The following GOLGA8B variants were observed in gnomAD, a reference collection of about 807,000 sequenced individuals.
The protein encoded by GOLGA8B is golgin subfamily A member 8B.
In GOLGA8B, 1 loss-of-function variant was observed where a neutral mutation model predicts 15.6. That is an observed-to-expected ratio of 0.06 (90% confidence interval 0.02 to 0.30). The LOEUF is 0.30. Ranked by LOEUF, GOLGA8B falls within the 10% of genes least tolerant of loss-of-function variation. GOLGA8B has a pLI of 1.00. For missense variants in GOLGA8B, 17 were observed against 201.3 expected (o/e 0.08, Z 5.54); for synonymous variants, 9 against 80.3 (o/e 0.11, Z 4.75).
In GOLGA8B at chr15:34,527,718, G is replaced by A. The variant is rs755562044; in HGVS notation, c.1726C>T (p.Gln576Ter). The A allele has an allele frequency of 1.5e-5, 19 of 1,239,592 alleles. 4 individuals carry two copies. The highest frequency in any genetic ancestry group is 2.1e-5 in the Non-Finnish European group (19 of 924,988). The allele number at this position is 1,239,592 out of a possible 1,614,324, so 76.8% of individuals were successfully genotyped here. A position where few individuals can be genotyped will look rare whatever the true frequency, so the allele number is the denominator to read the frequency against. Reference sequence around the variant, plus strand: ...AAGCCTGGGTGCTCCTGGTGGTCCTGCATCTCACCAAGGAGCTGCAGGACT... The same window carrying A: ...AAGCCTGGGTGCTCCTGGTGGTCCTACATCTCACCAAGGAGCTGCAGGACT... ...QPVLQLLGEM[Q>*]DHQEHPGLGS... Residue 576 changes from glutamine to a stop codon, truncating the protein, a stop_gained, in exon 24 of 24, where the codon CAG (glutamine) becomes TAG (stop). Coordinates refer to ENST00000683415, the MANE Select transcript of GOLGA8B (RefSeq NM_001023567.5). LOFTEE classifies it high-confidence loss of function.
chr15:34,582,874 G>A (rs1164918755), intron 1 of GOLGA8B: 1 of 152,216 alleles, frequency 6.6e-6, no homozygotes, highest in Non-Finnish European at 1.5e-5. Flanking sequence ...CTGGAGAAGG[G>A]GCCCTGCCCC....
At chr15:34,578,968 T>C (rs1200599884) in intron 1 of GOLGA8B, among the ~76,000 whole-genome samples, 1 of 152,104 alleles carries the variant, frequency 6.6e-6, no homozygotes, top group Non-Finnish European at 1.5e-5. Flanking sequence ...ACCTGACCCT[T>C]AAAACTCCCA....
intron 1 of GOLGA8B, among the ~76,000 whole-genome samples, chr15:34,557,644 A>ATGTGTGTGTGTGTGTGTGTG (rs780443805): frequency 9.2e-5 from 7 of 76,058 alleles, no homozygotes; most frequent in East Asian, 3.0e-4. Context: ...GAATTCATGA[A>ATGTGTGTGTGTGTGTGTGTG]TGTGTGTGTG....
At chr15:34,582,204 G>C (rs1023441735) in intron 1 of GOLGA8B, among the ~76,000 whole-genome samples, 1 of 152,126 alleles carries the variant, frequency 6.6e-6, no homozygotes, top group African/African-American at 2.4e-5. Context: ...CACACCTCTG[G>C]GAGGGGAGAA....
intron 4 of GOLGA8B, among the ~76,000 whole-genome samples, 169 bp from the exon 5 acceptor site, chr15:34,547,151 G>GT (rs777932523): frequency 2.6e-3 from 85 of 32,894 alleles, no homozygotes; most frequent in South Asian, 9.9e-3. Context: ...TTTTATGTCT[G>GT]TTTTTTTCAT....
At chr15:34,547,070 C>G (rs1446696605) in intron 4 of GOLGA8B, 88 bp from the exon 5 acceptor site, 1 of 84,354 alleles carries the variant, frequency 1.2e-5, no homozygotes, top group Non-Finnish European at 2.1e-5. Flanking sequence ...CAAAAATATA[C>G]ACACAAAAAG....
chr15:34,578,827 AT>A (rs1889152870), intron 1 of GOLGA8B, among the ~76,000 whole-genome samples: 2 of 151,920 alleles, frequency 1.3e-5, no homozygotes, highest in African/African-American at 4.8e-5. Context: ...TCAACCACAT[AT>A]TTTTTTCTCT....
At chr15:34,574,887 C>G (rs1336028173) in intron 1 of GOLGA8B, 1 of 152,092 alleles carries the variant, frequency 6.6e-6, no homozygotes, top group East Asian at 1.9e-4. Flanking sequence ...TGCCCAGCAG[C>G]CCCCAGAGGA....
chr15:34,567,528 G>A (rs1254346239), intron 1 of GOLGA8B, among the ~76,000 whole-genome samples: 5 of 151,706 alleles, frequency 3.3e-5, no homozygotes, highest in Non-Finnish European at 7.3e-5. Context: ...AGAGTCACAT[G>A]AAGGTACCTA....
chr15:34,582,952 G>T (rs1374216269), intron 1 of GOLGA8B: 2 of 152,256 alleles, frequency 1.3e-5, no homozygotes, highest in Non-Finnish European at 2.9e-5. Context: ...GCAGCCCCGG[G>T]GCAACAAGGT....
chr15:34,579,723 C>T (rs376452451), intron 1 of GOLGA8B, among the ~76,000 whole-genome samples: 13 of 152,064 alleles, frequency 8.5e-5, no homozygotes, highest in Non-Finnish European at 1.5e-4. Context: ...CTCTGGGACT[C>T]GGGAAAAGGA....
chr15:34,579,583 C>T (rs1889174759), intron 1 of GOLGA8B, among the ~76,000 whole-genome samples: 2 of 152,216 alleles, frequency 1.3e-5, no homozygotes, highest in Non-Finnish European at 1.5e-5. Context: ...TTCCCAAACA[C>T]GTTCTCCTCT....
intron 1 of GOLGA8B, among the ~76,000 whole-genome samples, chr15:34,563,449 C>T (rs1355339228): frequency 2.0e-5 from 3 of 148,554 alleles, no homozygotes; most frequent in African/African-American, 7.4e-5. Context: ...TCCTTGTTAT[C>T]GGTATCCCCC....
At chr15:34,571,205 T>G (rs1888904876) in intron 1 of GOLGA8B, among the ~76,000 whole-genome samples, 1 of 151,910 alleles carries the variant, frequency 6.6e-6, no homozygotes, top group Admixed American at 6.6e-5. Flanking sequence ...CCCTACTACT[T>G]GGGAGGCTGA....
intron 1 of GOLGA8B, among the ~76,000 whole-genome samples, chr15:34,573,094 A>G (rs1189768283): frequency 1.3e-5 from 2 of 152,230 alleles, no homozygotes; most frequent in African/African-American, 4.8e-5. Flanking sequence ...CTCAAAATGC[A>G]AAACAAAAAC....
At chr15:34,582,558 T>G (rs1233966138) in intron 1 of GOLGA8B, among the ~76,000 whole-genome samples, 4 of 152,238 alleles carry the variant, frequency 2.6e-5, no homozygotes. Context: ...GTCTGGTGCC[T>G]GCCAGGTCGT....
chr15:34,573,286 C>CTTT (rs1888971678), intron 1 of GOLGA8B, among the ~76,000 whole-genome samples: 1 of 149,508 alleles, frequency 6.7e-6, no homozygotes, highest in African/African-American at 2.4e-5. Flanking sequence ...CGCCTGTAAT[C>CTTT]GCAGCACTTT....
At chr15:34,574,203 T>C (rs896580086) in intron 1 of GOLGA8B, among the ~76,000 whole-genome samples, 1 of 152,196 alleles carries the variant, frequency 6.6e-6, no homozygotes, top group East Asian at 1.9e-4. Flanking sequence ...ATATTAGATG[T>C]CTGATTAAAA....
chr15:34,572,776 A>C (rs550163735), intron 1 of GOLGA8B, among the ~76,000 whole-genome samples: 1 of 152,362 alleles, frequency 6.6e-6, no homozygotes, highest in Admixed American at 6.5e-5. Flanking sequence ...TGAATTTCAT[A>C]ATCAGAAACA....
Sources: gnomAD v4.1 joint callset for allele counts (sites outside exome capture counted in the v4.1 genomes callset) on GRCh38, gnomAD v4.1.1 for gene constraint, MANE v1.5 for transcripts, NCBI Gene and HGNC (gene_info 2026-07-23, HGNC 2026-07-21) for gene names.